NASP: variants seen among roughly 807,000 people sequenced by gnomAD.
NASP encodes nuclear autoantigenic sperm protein.
NASP carries 24 observed loss-of-function variants against 89.5 expected under a neutral mutation model. The observed-to-expected ratio is 0.27, with a 90% CI of 0.19 to 0.38. The LOEUF is 0.38. Among genes scored for constraint, NASP ranks in the 10% least tolerant of loss-of-function variants. The pLI is 1.00. For synonymous variants in NASP, 306 were observed against 324.7 expected (o/e 0.94, Z 0.62); for missense variants, 848 against 921.4 (o/e 0.92, Z 1.03).
At chr1:45,617,676 C>T in intron 14 of NASP, 85 bp downstream of exon 14, 4 of 1,427,506 alleles carry the variant, frequency 2.8e-6, no homozygotes, top group South Asian at 1.4e-5. Flanking sequence ...GTGCATGCTC[C>T]CCACCTTGAG....
intron 6 of NASP, chr1:45,611,118 C>T (rs1410901673): frequency 1.3e-5 from 2 of 152,116 alleles, no homozygotes; most frequent in African/African-American, 2.4e-5. Flanking sequence ...CTCTGCCCAT[C>T]CTCTAGCAGA....
intron 6 of NASP, among the ~76,000 whole-genome samples, chr1:45,608,567 A>C (rs1475052113): frequency 6.6e-6 from 1 of 152,196 alleles, no homozygotes; most frequent in East Asian, 1.9e-4. Context: ...TACTAACTGC[A>C]AAATAGGCCT....
Position 45,608,187 on chromosome 1 carries a change from A to G in NASP, c.1276A>G (p.Lys426Glu), listed in dbSNP as rs761289700. Residue 426 changes from lysine (K) to glutamate (E), a missense_variant, in exon 6 of 15, where the codon AAG (lysine) becomes GAG (glutamate). By Grantham distance (56) the Lys-to-Glu change is moderately conservative. Around this residue, in one of 5 missense-constraint regions of NASP, gnomAD observed 464 missense variants for 469.4 expected, o/e 0.99. Transcript: ENST00000350030. ...AKLVPSQEET[K>E]LSVEESEAAG... ...GCTGGTTCCTAGTCAGGAGGAGACT[A>G]AGCTGTCTGTAGAAGAGTCTGAGGC... is the stretch of plus-strand genomic sequence containing the variant. 6 of 1,614,204 alleles carry G rather than the reference A, an allele frequency of 3.7e-6. No homozygotes were observed. In the South Asian group the frequency reaches 6.6e-5, roughly 18 times the overall value.
At chr1:45,602,419 G>A in intron 3 of NASP, 54 bp downstream of exon 3, 1 of 1,511,890 alleles carries the variant, frequency 6.6e-7, no homozygotes, top group Non-Finnish European at 9.0e-7. Context: ...TAAACCTTGA[G>A]TTATCAAAAA....
intron 1 of NASP, among the ~76,000 whole-genome samples, chr1:45,587,170 A>T (rs1644563803): frequency 6.6e-6 from 1 of 151,834 alleles, no homozygotes; most frequent in South Asian, 2.1e-4. Context: ...TAGCTTTCTA[A>T]CTAGTTCTTA....
At chr1:45,614,642 G>A (rs1356007176) in intron 9 of NASP, among the ~76,000 whole-genome samples, 1 of 152,102 alleles carries the variant, frequency 6.6e-6, no homozygotes, top group Non-Finnish European at 1.5e-5. Flanking sequence ...GGGTTCAAGC[G>A]ATTCTCCTGC....
Position 45,602,288 on chromosome 1 carries a change from G to C in NASP, c.141G>C (p.Leu47Phe). 1.9e-6 allele frequency: 3 copies of C among 1,613,538 alleles called. No homozygotes were observed. The highest frequency in any genetic ancestry group is 2.2e-5 in the South Asian group (2 of 91,054). The change falls in exon 3 of 15, where the codon TTG becomes TTC. Residue 47 changes from leucine to phenylalanine, a missense_variant. Leu to Phe is a conservative substitution (Grantham distance 22). This residue lies in a region of NASP where 89 missense variants were observed against 79.2 expected (regional missense o/e 1.12). Coordinates refer to ENST00000350030, the MANE Select transcript of NASP (RefSeq NM_002482.4). ...TGGATAGTGAAGCTAAGAAACTATT[G>C]GGTTTAGGACAGAAACATCTGGTGA... ...LDVDSEAKKLLGLGQKHLVMG... is the reference protein window; with the variant it reads ...LDVDSEAKKLFGLGQKHLVMG...
intron 1 of NASP, chr1:45,588,571 C>T (rs1249114508): frequency 9.1e-6 from 4 of 439,290 alleles, no homozygotes; most frequent in East Asian, 7.4e-5. Context: ...TATGGGAGTA[C>T]AATTTCTCCT....
chr1:45,607,206 C>T, intron 5 of NASP, 115 bp from the exon 6 acceptor site: 1 of 1,117,510 alleles, frequency 8.9e-7, no homozygotes, highest in South Asian at 1.7e-5. Flanking sequence ...AGGCCATCTG[C>T]TGAAACTTGG....
rs184692904 is a variant in NASP at position 45,616,620 on chromosome 1, T to C, written c.2080-6T>C. ...TACAATTGCTAATAAGGGCTTATTT[T>C]GCCAGATTGCCAGTAGAAAGCCAAC... On this transcript the variant is annotated splice_polypyrimidine_tract_variant and splice_region_variant and intron_variant, in intron 12 of 14. Coordinates refer to ENST00000350030, the MANE Select transcript of NASP (RefSeq NM_002482.4). 6.2e-7 allele frequency: 1 copy of C among 1,613,438 alleles called. No individual in the cohort carries two copies. Among genetic ancestry groups the C allele is most frequent in the African/African-American group, 1.3e-5 (1 of 75,058 alleles).
At chr1:45,594,456 T>C (rs963356494) in intron 2 of NASP, among the ~76,000 whole-genome samples, 1 of 152,170 alleles carries the variant, frequency 6.6e-6, no homozygotes, top group Non-Finnish European at 1.5e-5. Context: ...GGATGTACCA[T>C]AGTATTTAAG....
At chr1:45,588,888 A>G (rs746080300) in intron 1 of NASP, 1 of 225,410 alleles carries the variant, frequency 4.4e-6, no homozygotes, top group African/African-American at 2.4e-5. Flanking sequence ...GCGCCACTGC[A>G]CTCCAGCCTG....
chr1:45,598,022 T>C (rs961079865), intron 2 of NASP, among the ~76,000 whole-genome samples: 2 of 152,204 alleles, frequency 1.3e-5, no homozygotes, highest in Non-Finnish European at 2.9e-5. Context: ...TAATTGAAGC[T>C]GCTTCAATCA....
chr1:45,607,159 G>GCTCC (rs1159562055), intron 5 of NASP, 162 bp from the exon 6 acceptor site: 3 of 698,052 alleles, frequency 4.3e-6, no homozygotes, highest in Non-Finnish European at 7.2e-6. Context: ...TAGCCGGGAT[G>GCTCC]CTCCCTTTCC....
intron 6 of NASP, chr1:45,612,884 A>G (rs899621934): frequency 7.1e-5 from 17 of 240,450 alleles, no homozygotes; most frequent in African/African-American, 2.9e-4. Flanking sequence ...GCAGTAGCCA[A>G]TGTTTCTTAT....
chr1:45,611,084 A>G (rs1644000593), intron 6 of NASP: 1 of 152,196 alleles, frequency 6.6e-6, no homozygotes, highest in Non-Finnish European at 1.5e-5. Context: ...CCCCAAAGTT[A>G]GACCAGATGG....
chr1:45,600,620 T>TGTAAGCCAAAAACTGAG (rs1166139687), intron 2 of NASP, among the ~76,000 whole-genome samples: 3 of 152,232 alleles, frequency 2.0e-5, no homozygotes, highest in Non-Finnish European at 2.9e-5. Flanking sequence ...TTTCCAGTTT[T>TGTAAGCCAAAAACTGAG]TGGCTTACAA....
intron 2 of NASP, among the ~76,000 whole-genome samples, chr1:45,595,310 G>C (rs1643668786): frequency 6.6e-6 from 1 of 152,032 alleles, no homozygotes; most frequent in South Asian, 2.1e-4. Context: ...GCACCCAGCT[G>C]ATCAACTTTT....
chr1:45,615,685 T>C (rs1644093356), intron 11 of NASP: 1 of 514,568 alleles, frequency 1.9e-6, no homozygotes. Flanking sequence ...CATGGGCCTT[T>C]CTCTCCCTCA....
Sources: allele counts gnomAD v4.1 joint callset (sites outside exome capture counted in the v4.1 genomes callset), GRCh38; gene constraint gnomAD v4.1.1; regional missense constraint gnomAD v4.1.1; transcripts MANE v1.5; gene names NCBI Gene and HGNC (gene_info 2026-07-23, HGNC 2026-07-21).